CD109: variants seen among roughly 807,000 people sequenced by gnomAD.
CD109 encodes the protein CD109 antigen.
CD109 carries 149 observed loss-of-function variants against 165.8 expected under a neutral mutation model. That is an observed-to-expected ratio of 0.90 (90% confidence interval 0.79 to 1.03). The LOEUF is 1.03. CD109 is among the 50% of genes least tolerant of loss of function. The probability of loss-of-function intolerance (pLI) is 0.00; values close to 1 mark genes in which losing one functional copy is unlikely to be tolerated. For synonymous variants in CD109, 585 were observed against 592.1 expected (o/e 0.99, Z 0.18); for missense variants, 1,712 against 1,677.8 (o/e 1.02, Z -0.36).
intron 19 of CD109, 86 bp downstream of exon 19, chr6:73,783,910 T>C (rs1774597463): frequency 5.7e-6 from 4 of 700,366 alleles, no homozygotes; most frequent in Non-Finnish European, 9.8e-6. Context: ...TTTAAATGAC[T>C]GCTTATAATG....
In CD109 at chr6:73,771,280, C is replaced by G. The variant is rs1774023530; in HGVS notation, c.1675-149C>G. 20 of 559,174 alleles carry G rather than the reference C, an allele frequency of 3.6e-5. No homozygotes were observed. The South Asian group carries it at 5.3e-4, about 15-fold the overall frequency. 34.6% of individuals were successfully genotyped at this position (559,174 alleles called of 1,614,324 possible). On this transcript the variant is annotated intron_variant, in intron 14 of 32. Coordinates refer to ENST00000287097, the MANE Select transcript of CD109 (RefSeq NM_133493.5). ...GGGCGTAGTTTTTTTATTCCTTTCC[C>G]TAGAGAAGGGTTATGCATGGTTTTA...
At chr6:73,720,427 A>G (rs1310866522) in intron 2 of CD109, among the ~76,000 whole-genome samples, 2 of 152,186 alleles carry the variant, frequency 1.3e-5, no homozygotes, top group African/African-American at 4.8e-5. Context: ...ATTTCAAGAG[A>G]TCTAGTGTAC....
chr6:73,736,894 A>G (rs1772566370), intron 5 of CD109, among the ~76,000 whole-genome samples: 1 of 152,182 alleles, frequency 6.6e-6, no homozygotes, highest in Non-Finnish European at 1.5e-5. Flanking sequence ...ACCTACTTTT[A>G]TCTTTGTTTT....
intron 5 of CD109, among the ~76,000 whole-genome samples, chr6:73,738,518 G>C (rs1008425042): frequency 3.9e-5 from 6 of 152,238 alleles, no homozygotes. Context: ...ATAAGTACCA[G>C]AAGAGAGGGG....
the CD109 span, among the ~76,000 whole-genome samples, chr6:73,682,073 A>G: frequency 6.6e-6 from 1 of 152,130 alleles, no homozygotes; most frequent in Non-Finnish European, 1.5e-5. Context: ...AAACCATATC[A>G]TTCCACCCCG....
intron 5 of CD109, among the ~76,000 whole-genome samples, chr6:73,742,756 C>T (rs1334751743): frequency 1.3e-4 from 20 of 152,184 alleles, no homozygotes; most frequent in Non-Finnish European, 4.4e-5. Context: ...CCTGAGGCTG[C>T]AGCTGGTTCT....
chr6:73,823,259 G>A (rs1180785072), intron 32 of CD109, among the ~76,000 whole-genome samples, 199 bp from the exon 33 acceptor site: 1 of 152,196 alleles, frequency 6.6e-6, no homozygotes, highest in Non-Finnish European at 1.5e-5. Context: ...AGATTGGACT[G>A]AGCGCATTGT....
chr6:73,724,777 A>G (rs1772074875), intron 3 of CD109, among the ~76,000 whole-genome samples: 1 of 151,248 alleles, frequency 6.6e-6, no homozygotes, highest in East Asian at 1.9e-4. Context: ...CTGATTTTTT[A>G]TTTTTTGTAG....
intron 2 of CD109, among the ~76,000 whole-genome samples, chr6:73,706,298 G>T (rs1771262958): frequency 1.3e-5 from 2 of 152,168 alleles, no homozygotes; most frequent in Admixed American, 1.3e-4. Flanking sequence ...CCCTGGTGGT[G>T]CCCTAAACTG....
chr6:73,768,192 T>C lies in CD109; in HGVS notation c.1635T>C (p.Asp545=). 6.3e-7 allele frequency: 1 copy of C among 1,595,304 alleles called. No homozygotes were observed. The highest frequency in any genetic ancestry group is 8.6e-7 in the Non-Finnish European group (1 of 1,163,738). The change falls in exon 14 of 33, where the codon GAT becomes GAC. Residue 545 remains aspartate, a synonymous_variant. Transcript: ENST00000287097. The stretch of plus-strand genomic sequence containing the variant: ...AAGATGATGGGGAAATTATAAGTGA[T>C]GTTCTAAAAATTCCTGTTCAGCTTG... ...YIEDDGEIIS[D]VLKIPVQLVF...
At chr6:73,738,782 G>C (rs930978357) in intron 5 of CD109, among the ~76,000 whole-genome samples, 1 of 152,160 alleles carries the variant, frequency 6.6e-6, no homozygotes, top group Non-Finnish European at 1.5e-5. Context: ...TGTCCCTTAA[G>C]TTTCTTAAAC....
chr6:73,775,431 T>C (rs1774206923), intron 15 of CD109, among the ~76,000 whole-genome samples: 1 of 152,190 alleles, frequency 6.6e-6, no homozygotes, highest in Non-Finnish European at 1.5e-5. Context: ...ATCCCACATA[T>C]CTGCTATTTT....
intron 25 of CD109, among the ~76,000 whole-genome samples, chr6:73,807,814 G>A (rs1020370801): frequency 1.3e-5 from 2 of 152,130 alleles, no homozygotes; most frequent in African/African-American, 4.8e-5. Flanking sequence ...GATACTGAGT[G>A]GGAGAAACAC....
chr6:73,710,890 C>T (rs575848212), intron 2 of CD109, among the ~76,000 whole-genome samples: 18 of 152,276 alleles, frequency 1.2e-4, no homozygotes, highest in African/African-American at 2.6e-4. Flanking sequence ...CAGCTGTAGA[C>T]GGTTCATAAA....
intron 5 of CD109, 111 bp downstream of exon 5, chr6:73,736,619 C>T: frequency 1.1e-6 from 1 of 869,968 alleles, no homozygotes; most frequent in South Asian, 2.1e-5. Context: ...TTAATGTGAA[C>T]ATTTAGACAA....
intron 4 of CD109, among the ~76,000 whole-genome samples, chr6:73,733,608 T>C (rs555934937): frequency 6.6e-6 from 1 of 152,330 alleles, no homozygotes; most frequent in African/African-American, 2.4e-5. Context: ...TGGCTTCTGC[T>C]CTGACCTCTC....
chr6:73,750,421 A>G (rs192389514), intron 5 of CD109, among the ~76,000 whole-genome samples: 1 of 152,288 alleles, frequency 6.6e-6, no homozygotes, highest in Admixed American at 6.5e-5. Context: ...AGAGGGCAAG[A>G]GATTCAGAGA....
intron 5 of CD109, among the ~76,000 whole-genome samples, chr6:73,740,043 AT>A (rs1430937253): frequency 1.3e-5 from 2 of 150,908 alleles, no homozygotes; most frequent in African/African-American, 2.4e-5. Flanking sequence ...TAGTTAAAAA[AT>A]TTTTTTTTCC....
Position 73,705,580 on chromosome 6 carries a change from G to A in CD109, c.247+8008G>A, listed in dbSNP as rs569520781. ...TTTCTTGAGCTACAGTTATAGTGCC[G>A]TTGTACTCTAGCCTGGGTAACAAAG... On this transcript the variant is annotated intron_variant, in intron 2 of 32. Transcript: ENST00000287097. Among the ~76,000 whole-genome samples, 3 of 152,000 alleles carry A rather than the reference G, an allele frequency of 2.0e-5. No individual in the cohort carries two copies. The South Asian group carries it at 6.2e-4, about 32-fold the overall frequency.
Sources: allele counts gnomAD v4.1 joint callset (sites outside exome capture counted in the v4.1 genomes callset), GRCh38; gene constraint gnomAD v4.1.1; transcripts MANE v1.5; gene names NCBI Gene and HGNC (gene_info 2026-07-23, HGNC 2026-07-21).